The following UGT8 variants were observed in gnomAD, a reference collection of about 807,000 sequenced individuals.
The protein encoded by UGT8 is 2-hydroxyacylsphingosine 1-beta-galactosyltransferase.
A neutral mutation model predicts 40.5 loss-of-function variants in UGT8; 12 were observed. That is an observed-to-expected ratio of 0.30 (90% CI 0.19 to 0.48). The LOEUF (loss-of-function observed/expected upper bound fraction) is 0.48. Ranked by LOEUF, UGT8 falls within the 20% of genes least tolerant of loss-of-function variation. UGT8 has a pLI of 0.99. For synonymous variants in UGT8, 224 were observed against 240.4 expected, an observed-to-expected ratio of 0.93 and a Z score of 0.63; for missense variants, 513 against 648.7, an observed-to-expected ratio of 0.79 and a Z score of 2.27.
At position 114,623,037 on chromosome 4, in the gene UGT8, G is replaced by C. The variant is rs769180706; in HGVS notation, c.157G>C (p.Val53Leu). The stretch of plus-strand genomic sequence containing the variant: ...CTTGCACGAGAGAGGCCACCATACA[G>C]TGTTCCTCCTCTCTGAAGGCAGAGA... ...SALHERGHHT[V>L]FLLSEGRDIA... Residue 53 changes from valine (V) to leucine (L), a missense_variant, in exon 2 of 6, where the codon GTG becomes CTG. This residue lies in a region of UGT8 where 335 missense variants were observed against 444.8 expected (regional missense o/e 0.75). Coordinates refer to ENST00000310836, the MANE Select transcript of UGT8 (RefSeq NM_001128174.3). 2.0e-5 allele frequency: 33 copies of C among 1,614,114 alleles called. No homozygotes were observed. Among genetic ancestry groups the C allele is most frequent in the Non-Finnish European group, 2.3e-5 (27 of 1,180,012 alleles).
At chr4:114,667,744 T>C in intron 4 of UGT8, 2 of 339,932 alleles carry the variant, frequency 5.9e-6, no homozygotes, top group South Asian at 1.2e-4. Context: ...GTCTGTTTTT[T>C]CACTCTGGTA....
At chr4:114,637,584 AC>A (rs1292511221) in intron 2 of UGT8, among the ~76,000 whole-genome samples, 1 of 152,176 alleles carries the variant, frequency 6.6e-6, no homozygotes, top group Non-Finnish European at 1.5e-5. Flanking sequence ...GGTCTCATTT[AC>A]CTGAACGACA....
intron 1 of UGT8, among the ~76,000 whole-genome samples, chr4:114,615,965 T>G (rs1731397313): frequency 6.7e-6 from 1 of 150,268 alleles, no homozygotes. Flanking sequence ...CTGGAAGTTT[T>G]GTCTCAGAGG....
At chr4:114,634,675 T>G (rs536750932) in intron 2 of UGT8, among the ~76,000 whole-genome samples, 2 of 152,338 alleles carry the variant, frequency 1.3e-5, no homozygotes, top group East Asian at 3.9e-4. Flanking sequence ...TTAACAATCT[T>G]CTTACATTTG....
At chr4:114,615,689 C>G (rs747371634) in intron 1 of UGT8, among the ~76,000 whole-genome samples, 2 of 152,142 alleles carry the variant, frequency 1.3e-5, no homozygotes, top group Non-Finnish European at 2.9e-5. Context: ...CTCATTCCAG[C>G]TGGCAGGAAG....
intron 2 of UGT8, among the ~76,000 whole-genome samples, chr4:114,641,142 G>A (rs1296707538): frequency 6.6e-6 from 1 of 152,180 alleles, no homozygotes; most frequent in Admixed American, 6.5e-5. Flanking sequence ...GCTAAAGCCT[G>A]AATTAATAAT....
At chr4:114,629,059 T>G (rs1732419846) in intron 2 of UGT8, among the ~76,000 whole-genome samples, 2 of 152,126 alleles carry the variant, frequency 1.3e-5, no homozygotes, top group Admixed American at 1.3e-4. Flanking sequence ...GTCTCTAGGC[T>G]TGGATATGAG....
Position 114,660,692 on chromosome 4 carries a change from A to G in UGT8, c.823-3303A>G, listed in dbSNP as rs112788865. Among the ~76,000 whole-genome samples, 670 of 152,168 alleles carry G rather than the reference A, an allele frequency of 4.4e-3. 2 individuals are homozygous for G. The highest frequency in any genetic ancestry group is 0.014 in the African/African-American group (592 of 41,522). On this transcript the variant is annotated intron_variant, in intron 2 of 5. Coordinates refer to ENST00000310836, the MANE Select transcript of UGT8 (RefSeq NM_001128174.3). ...CAGATCACGAGGTCAGGAGATCAAG[A>G]CCATCCTGGCTAACACGGTGAAACC... is the stretch of plus-strand genomic sequence containing the variant.
intron 1 of UGT8, among the ~76,000 whole-genome samples, chr4:114,606,905 C>T (rs888921183): frequency 3.3e-5 from 5 of 152,068 alleles, no homozygotes; most frequent in Admixed American, 2.6e-4. Flanking sequence ...AACAAAAAAC[C>T]CCCACATGCC....
At chr4:114,635,247 A>G (rs1161805687) in intron 2 of UGT8, among the ~76,000 whole-genome samples, 2 of 152,028 alleles carry the variant, frequency 1.3e-5, no homozygotes, top group African/African-American at 2.4e-5. Flanking sequence ...GCTACTGAGG[A>G]GGCTGAGGCA....
At position 114,604,318 on chromosome 4, in the gene UGT8, A is replaced by G. The variant is rs75917497; in HGVS notation, c.-3+5344A>G. On this transcript the variant is annotated intron_variant, in intron 1 of 5. Transcript: ENST00000310836. ...CTCAGAAAACAATACAGATGATTTC[A>G]AAATTTAACAAAATGTAATTTAATA... Among the ~76,000 whole-genome samples, 932 of 152,298 alleles carry G rather than the reference A, an allele frequency of 6.1e-3. 13 individuals carry two copies. Among genetic ancestry groups the G allele is most frequent in the African/African-American group, 0.021 (890 of 41,562 alleles).
rs188041729 is a variant in UGT8 at position 114,672,054 on chromosome 4, C to A, written c.1262+3750C>A. ...CAAAAGAAGACACTTATGTGGCCAA[C>A]AAACATATGTAAAAAAGGTTAACAT... On this transcript the variant is annotated intron_variant, in intron 5 of 5. Coordinates refer to ENST00000310836, the MANE Select transcript of UGT8 (RefSeq NM_001128174.3). 6.3e-4 allele frequency among the ~76,000 whole-genome samples: 96 copies of A among 152,220 alleles called. 1 individual carries two copies. In the South Asian group the frequency reaches 0.016, roughly 26 times the overall value.
At chr4:114,623,921 A>G (rs1732018587) in intron 2 of UGT8, 1 of 231,850 alleles carries the variant, frequency 4.3e-6, no homozygotes, top group South Asian at 1.6e-4. Flanking sequence ...TGAAAAGACC[A>G]CTATGCCATA....
chr4:114,641,418 A>G (rs1324169452), intron 2 of UGT8, among the ~76,000 whole-genome samples: 3 of 152,230 alleles, frequency 2.0e-5, no homozygotes, highest in African/African-American at 7.2e-5. Flanking sequence ...TGACCCAATC[A>G]TAGACTCCAA....
At chr4:114,650,452 A>G (rs1733834868) in intron 2 of UGT8, among the ~76,000 whole-genome samples, 1 of 152,216 alleles carries the variant, frequency 6.6e-6, no homozygotes, top group Non-Finnish European at 1.5e-5. Flanking sequence ...AACACTAGCC[A>G]TAAGTGGGTG....
chr4:114,641,245 G>T (rs1733205550), intron 2 of UGT8, among the ~76,000 whole-genome samples: 1 of 152,152 alleles, frequency 6.6e-6, no homozygotes, highest in Non-Finnish European at 1.5e-5. Flanking sequence ...CATAGACAAG[G>T]TTACCCTAAA....
At chr4:114,646,100 A>C (rs1165370471) in intron 2 of UGT8, among the ~76,000 whole-genome samples, 2 of 152,134 alleles carry the variant, frequency 1.3e-5, no homozygotes, top group African/African-American at 4.8e-5. Flanking sequence ...CAGGAGATAT[A>C]CTTAGATATA....
At chr4:114,634,412 A>C (rs1258616439) in intron 2 of UGT8, among the ~76,000 whole-genome samples, 1 of 152,210 alleles carries the variant, frequency 6.6e-6, no homozygotes, top group African/African-American at 2.4e-5. Flanking sequence ...AAATAAATGC[A>C]GTGGCTTATC....
chr4:114,598,805 C>G (rs910134054), upstream of UGT8: 3 of 152,174 alleles, frequency 2.0e-5, no homozygotes, highest in African/African-American at 7.2e-5. Context: ...AACTGTGAAC[C>G]CAGAGAGCCC....
Sources: gnomAD v4.1 joint callset for allele counts (sites outside exome capture counted in the v4.1 genomes callset) on GRCh38, gnomAD v4.1.1 for gene constraint, gnomAD v4.1.1 regional missense constraint, MANE v1.5 for transcripts, NCBI Gene and HGNC (gene_info 2026-07-23, HGNC 2026-07-21) for gene names.